The following PEX13 variants were observed in gnomAD, a reference collection of about 807,000 sequenced individuals.
PEX13 encodes peroxisomal biogenesis factor 13.
A neutral mutation model predicts 34.5 loss-of-function variants in PEX13; 28 were observed. The observed-to-expected ratio is 0.81, with a 90% CI of 0.60 to 1.11. The LOEUF is 1.11. PEX13 is among the 50% of genes most tolerant of loss of function. PEX13 has a pLI of 0.00. For missense variants in PEX13, 550 were observed against 491.0 expected (o/e 1.12, Z -1.13); for synonymous variants, 177 against 175.1 (o/e 1.01, Z -0.09).
At chr2:61,019,954 G>A (rs1680222175) in intron 1 of PEX13, among the ~76,000 whole-genome samples, 1 of 152,042 alleles carries the variant, frequency 6.6e-6, no homozygotes, top group Admixed American at 6.5e-5. Context: ...TTATCTTTTT[G>A]CCTTAAATAT....
intron 1 of PEX13, among the ~76,000 whole-genome samples, chr2:61,020,447 G>C (rs1432957163): frequency 6.6e-6 from 1 of 151,812 alleles, no homozygotes; most frequent in Non-Finnish European, 1.5e-5. Context: ...AATTAGTTCT[G>C]ATGGTTTGGT....
intron 2 of PEX13, among the ~76,000 whole-genome samples, chr2:61,037,736 G>A (rs1447504915): frequency 1.3e-5 from 2 of 152,130 alleles, no homozygotes; most frequent in Non-Finnish European, 2.9e-5. Context: ...TCAAAAGCTA[G>A]CAGAAGGCAA....
At chr2:61,047,125 A>G (rs1396279374) in intron 3 of PEX13, among the ~76,000 whole-genome samples, 3 of 151,234 alleles carry the variant, frequency 2.0e-5, no homozygotes. Context: ...ACAAACCTCT[A>G]GACTTTTAGG....
Position 61,045,777 on chromosome 2 carries a change from A to G in PEX13, c.839A>G (p.Glu280Gly). The G allele has an allele frequency of 6.2e-7, 1 of 1,613,266 alleles. No homozygotes were observed. Among genetic ancestry groups the G allele is most frequent in the Non-Finnish European group, 8.5e-7 (1 of 1,179,200 alleles). ...GEDDHVVARAEYDFAAVSEEE... is the reference protein window; with the variant it reads ...GEDDHVVARAGYDFAAVSEEE... Reference sequence around the variant, plus strand: ...GATGACCATGTAGTTGCCAGAGCAGAATATGATTTTGCTGCCGTATCTGAA... The same window carrying G: ...GATGACCATGTAGTTGCCAGAGCAGGATATGATTTTGCTGCCGTATCTGAA... Residue 280 changes from glutamate to glycine, a missense_variant, in exon 3 of 4, where the codon GAA (glutamate) becomes GGA (glycine). Coordinates refer to ENST00000295030, the MANE Select transcript of PEX13 (RefSeq NM_002618.4).
At position 61,017,849 on chromosome 2, in the gene PEX13, C is replaced by G. The variant is rs1680114572; in HGVS notation, c.90C>G (p.Phe30Leu). Reference sequence around the variant, plus strand: ...CGGGACCAGGACCGGGCCCCACTTTCCAGTGAGTGTGGGATTCTTCAGGCT... The same window carrying G: ...CGGGACCAGGACCGGGCCCCACTTTGCAGTGAGTGTGGGATTCTTCAGGCT... The part of the protein sequence containing the change: ...AGPGPGPGPT[F>L]QSADLGPTLM... The change falls in exon 1 of 4, where the codon TTC becomes TTG. Residue 30 changes from phenylalanine to leucine, a missense_variant and splice_region_variant. Phe to Leu is a conservative substitution (Grantham distance 22). Coordinates refer to ENST00000295030, the MANE Select transcript of PEX13 (RefSeq NM_002618.4). 1 of 1,550,384 alleles carries G rather than the reference C, an allele frequency of 6.5e-7. No homozygotes were observed. Among genetic ancestry groups the G allele is most frequent in the African/African-American group, 1.4e-5 (1 of 73,170 alleles).
At chr2:61,027,529 G>A (rs79840988) in intron 1 of PEX13, among the ~76,000 whole-genome samples, 1,813 of 152,174 alleles carry the variant, frequency 0.012, 23 homozygotes, top group East Asian at 0.036. Flanking sequence ...TCTCTTTGTA[G>A]GAGTCAAGGT....
At chr2:61,018,323 G>A in intron 1 of PEX13, 1 of 1,545,076 alleles carries the variant, frequency 6.5e-7, no homozygotes, top group South Asian at 1.2e-5. Flanking sequence ...AGGAACTCAA[G>A]CCCCGTACAC....
chr2:61,027,432 TG>T (rs1044954054), intron 1 of PEX13, among the ~76,000 whole-genome samples: 8 of 152,268 alleles, frequency 5.3e-5, no homozygotes, highest in Non-Finnish European at 1.2e-4. Context: ...TTTCATTTCC[TG>T]GGCTGGAGGC....
chr2:61,045,092 C>G (rs1680685351), intron 2 of PEX13, among the ~76,000 whole-genome samples: 2 of 152,162 alleles, frequency 1.3e-5, no homozygotes, highest in Admixed American at 1.3e-4. Flanking sequence ...TATATTCTGG[C>G]CTATTACTCT....
intron 2 of PEX13, among the ~76,000 whole-genome samples, chr2:61,036,772 C>G (rs140714827): frequency 1.3e-5 from 2 of 152,296 alleles, no homozygotes; most frequent in African/African-American, 4.8e-5. Context: ...CAGATTCACA[C>G]ATAACAATGT....
intron 1 of PEX13, among the ~76,000 whole-genome samples, chr2:61,027,176 GAA>G (rs1032047207): frequency 5.3e-5 from 5 of 95,116 alleles, no homozygotes; most frequent in Non-Finnish European, 4.6e-5. Flanking sequence ...ATATCAAAAA[GAA>G]AAAAAAAAAA....
intron 3 of PEX13, among the ~76,000 whole-genome samples, chr2:61,047,239 T>G (rs1573561401): frequency 6.6e-6 from 1 of 152,114 alleles, no homozygotes; most frequent in East Asian, 1.9e-4. Context: ...CACTGCAACC[T>G]CCGCCTCCCG....
At position 61,048,612 on chromosome 2, in the gene PEX13, C is replaced by T. The variant is rs1421668863; in HGVS notation, c.1054C>T (p.Gln352Ter). ...GGAATCAAGTAAAGTTTCCAAGCAG[C>T]AACAATCTTTTACCAACCCAACACT... ...TVESSKVSKQ[Q>*]QSFTNPTLTK... is the part of the protein sequence containing the mutation. The change falls in exon 4 of 4, where the codon CAA becomes TAA. Residue 352 changes from glutamine to a stop codon, truncating the protein, a stop_gained. Coordinates refer to ENST00000295030, the MANE Select transcript of PEX13 (RefSeq NM_002618.4). LOFTEE classifies it high-confidence loss of function. The T allele has an allele frequency of 1.2e-6, 2 of 1,614,114 alleles. No homozygotes were observed. The highest frequency in any genetic ancestry group is 1.3e-5 in the African/African-American group (1 of 75,026).
chr2:61,037,870 TAAAG>T (rs561814262), intron 2 of PEX13, among the ~76,000 whole-genome samples: 203 of 151,774 alleles, frequency 1.3e-3, no homozygotes, highest in African/African-American at 4.7e-3. Context: ...GCAAGACTAA[TAAAG>T]AAAAGAGAGA....
rs1035094645 is a variant in PEX13 at position 61,031,421 on chromosome 2, C to T, written c.95C>T (p.Ser32Phe). The T allele has an allele frequency of 6.2e-7, 1 of 1,613,208 alleles. No homozygotes were observed. The highest frequency in any genetic ancestry group is 8.5e-7 in the Non-Finnish European group (1 of 1,179,266). The stretch of plus-strand genomic sequence containing the variant: ...TTTTGAATCTTTTTTGGTTTTAGAT[C>T]TGCTGATTTGGGTCCTACTTTAATG... ...PGPGPGPTFQ[S>F]ADLGPTLMTR... Residue 32 changes from serine (S) to phenylalanine (F), a missense_variant and splice_region_variant, in exon 2 of 4, where the codon TCT becomes TTT. Coordinates refer to ENST00000295030, the MANE Select transcript of PEX13 (RefSeq NM_002618.4).
rs1349048180 is a variant in PEX13, at chr2:61,051,735, T to G, written c.*2965T>G. The G allele has an allele frequency of 6.6e-6, 1 of 152,238 alleles. No individual in the cohort carries two copies. Among genetic ancestry groups the G allele is most frequent in the Non-Finnish European group, 1.5e-5 (1 of 68,036 alleles). The allele number at this position is 152,238 out of a possible 1,614,324, so 9.4% of individuals were successfully genotyped here. A position where few individuals can be genotyped will look rare whatever the true frequency, so the allele number is the denominator to read the frequency against. On this transcript the variant is annotated 3_prime_UTR_variant, in exon 4 of 4. Coordinates refer to ENST00000295030, the MANE Select transcript of PEX13 (RefSeq NM_002618.4). ...AGTTTACAATAATAAAACATGTTTC[T>G]TTTAATTTTTCTGATTATATTTTAT...
intron 3 of PEX13, among the ~76,000 whole-genome samples, 164 bp from the exon 4 acceptor site, chr2:61,048,308 T>A (rs1680740732): frequency 6.6e-6 from 1 of 152,246 alleles, no homozygotes; most frequent in South Asian, 2.1e-4. Context: ...ACCCTAGAAC[T>A]GTTAAGCCTA....
intron 2 of PEX13, among the ~76,000 whole-genome samples, chr2:61,040,502 C>T (rs923385021): frequency 2.0e-5 from 3 of 151,944 alleles, no homozygotes; most frequent in African/African-American, 4.8e-5. Flanking sequence ...AACCAAACAC[C>T]GCATGTTCTC....
chr2:61,046,972 C>A (rs1680712462), intron 3 of PEX13, among the ~76,000 whole-genome samples: 1 of 151,920 alleles, frequency 6.6e-6, no homozygotes, highest in Admixed American at 6.6e-5. Flanking sequence ...ACCTATAGTC[C>A]CACCTACTCA....
Sources: allele counts gnomAD v4.1 joint callset (sites outside exome capture counted in the v4.1 genomes callset), GRCh38; gene constraint gnomAD v4.1.1; transcripts MANE v1.5; gene names NCBI Gene and HGNC (gene_info 2026-07-23, HGNC 2026-07-21).